The following NDUFB9 variants were observed in gnomAD, a reference collection of about 807,000 sequenced individuals.
NDUFB9 encodes NADH:ubiquinone oxidoreductase subunit B9, also known as NADH dehydrogenase [ubiquinone] 1 beta subcomplex subunit 9.
NDUFB9 carries 24 observed loss-of-function variants against 30.2 expected under a neutral mutation model. That is an observed-to-expected ratio of 0.80 (90% confidence interval 0.58 to 1.12). The LOEUF (loss-of-function observed/expected upper bound fraction) is 1.12, where lower values mean the gene tolerates loss of function less well. Ranked by LOEUF, NDUFB9 falls within the 50% of genes most tolerant of loss-of-function variation. The pLI, the probability that NDUFB9 is intolerant of heterozygous loss-of-function variation, is 0.00. For missense variants in NDUFB9, 204 were observed against 226.0 expected (o/e 0.90, Z 0.62); for synonymous variants, 80 against 84.0 (o/e 0.95, Z 0.26).
chr8:124,539,605 A>G, intron 1 of NDUFB9: 1 of 372,602 alleles, frequency 2.7e-6, no homozygotes, highest in Non-Finnish European at 5.0e-6. Flanking sequence ...TCATGGGTCC[A>G]GCGCTCGCTC....
intron 1 of NDUFB9, 194 bp downstream of exon 1, chr8:124,539,481 T>G: frequency 3.4e-6 from 2 of 596,142 alleles, no homozygotes; most frequent in Non-Finnish European, 6.0e-6. Context: ...CCTTGTAGAG[T>G]TGCTTGTCGG....
intron 3 of NDUFB9, among the ~76,000 whole-genome samples, chr8:124,547,940 G>A (rs758094878): frequency 1.1e-4 from 17 of 151,914 alleles, no homozygotes; most frequent in African/African-American, 2.2e-4. Context: ...AGCTGACATC[G>A]CGCCACTGCA....
At chr8:124,543,753 A>G (rs1822087376) in intron 2 of NDUFB9, among the ~76,000 whole-genome samples, 1 of 152,182 alleles carries the variant, frequency 6.6e-6, no homozygotes, top group Admixed American at 6.5e-5. Context: ...ACCGACCAAT[A>G]GTTCCTCCGC....
chr8:124,539,285 G>A lies in NDUFB9; in HGVS notation c.99G>A (p.Gln33=), dbSNP rs1251334642. 1.2e-6 allele frequency: 2 copies of A among 1,614,176 alleles called. No homozygotes were observed. The highest frequency in any genetic ancestry group is 1.3e-5 in the African/African-American group (1 of 75,066). Reference sequence around the variant, plus strand: ...GCCACCTCGAGTCGTGGTGCGTCCAGAGGTAAGGGATGGGGACCCAGGACT... The same window carrying A: ...GCCACCTCGAGTCGTGGTGCGTCCAAAGGTAAGGGATGGGGACCCAGGACT... The part of the protein sequence containing the change: ...ALRHLESWCV[Q]RDKYRYFACL... Residue 33 remains glutamine, a splice_region_variant and synonymous_variant, in exon 1 of 4, where the codon CAG becomes CAA. Coordinates refer to ENST00000276689, the MANE Select transcript of NDUFB9 (RefSeq NM_005005.3).
rs77625689 is a variant in NDUFB9, at chr8:124,546,554, G to C, written c.295-446G>C. ...TCTTAGGTGTCAGTTTTCTCTCTCT[G>C]AGACGTCATTAAGACTTTTCTTTCT... On this transcript the variant is annotated intron_variant, in intron 2 of 3. Transcript: ENST00000276689. The C allele has an allele frequency of 9.3e-3, 1,839 of 197,172 alleles. 31 individuals are homozygous for C. Among genetic ancestry groups the C allele is most frequent in the African/African-American group, 0.041 (1,748 of 42,448 alleles). The allele number at this position is 197,172 out of a possible 1,614,324, so 12.2% of individuals were successfully genotyped here.
chr8:124,542,795 G>C, intron 1 of NDUFB9: 1 of 378,292 alleles, frequency 2.6e-6, no homozygotes, highest in Non-Finnish European at 4.8e-6. Context: ...TTTCTCTTGC[G>C]AATGCTCTTT....
intron 1 of NDUFB9, 126 bp downstream of exon 1, chr8:124,539,413 C>G (rs1821824029): frequency 4.8e-6 from 4 of 841,544 alleles, no homozygotes; most frequent in Non-Finnish European, 8.0e-6. Context: ...TCTCGCTTCA[C>G]AGAATCCTAT....
intron 1 of NDUFB9, among the ~76,000 whole-genome samples, chr8:124,541,867 G>T (rs1334065789): frequency 6.6e-6 from 1 of 151,874 alleles, no homozygotes; most frequent in Non-Finnish European, 1.5e-5. Flanking sequence ...CTCCCAAAGT[G>T]CTGGGATTAC....
intron 1 of NDUFB9, among the ~76,000 whole-genome samples, chr8:124,541,802 C>T (rs1822002729): frequency 6.6e-6 from 1 of 151,842 alleles, no homozygotes; most frequent in Non-Finnish European, 1.5e-5. Context: ...CGGGGTTTTG[C>T]CATGTTGGCC....
At chr8:124,546,573 T>A (rs1290970394) in intron 2 of NDUFB9, 1 of 206,112 alleles carries the variant, frequency 4.9e-6, no homozygotes, top group Non-Finnish European at 9.9e-6. Flanking sequence ...TTAAGACTTT[T>A]CTTTCTACAT....
At chr8:124,549,687 C>T (rs1244389612) in intron 3 of NDUFB9, 74 bp from the exon 4 acceptor site, 40 of 1,430,958 alleles carry the variant, frequency 2.8e-5, no homozygotes, top group Non-Finnish European at 3.8e-5. Context: ...AAAGCTGACC[C>T]TTCACTGCAG....
At chr8:124,543,693 C>T (rs578089849) in intron 2 of NDUFB9, among the ~76,000 whole-genome samples, 1 of 152,148 alleles carries the variant, frequency 6.6e-6, no homozygotes, top group Non-Finnish European at 1.5e-5. Flanking sequence ...AAACCATGCC[C>T]ACATAAGACA....
At position 124,549,838 on chromosome 8, in the gene NDUFB9, T is replaced by G. The variant is rs754130870; in HGVS notation, c.486T>G (p.Asp162Glu). The G allele has an allele frequency of 1.9e-5, 30 of 1,614,222 alleles. No homozygotes were observed. Among genetic ancestry groups the G allele is most frequent in the Non-Finnish European group, 2.5e-5 (29 of 1,180,038 alleles). Residue 162 changes from aspartate (D) to glutamate (E), a missense_variant, in exon 4 of 4, where the codon GAT becomes GAG. By Grantham distance (45) the Asp-to-Glu change is conservative. Transcript: ENST00000276689. ...TGCCCCCTGCCCGAAAGGAAGGTGA[T>G]TTGCCCCCACTGTGGTGGTATATTG... ...EALPPARKEG[D>E]LPPLWWYIVT...
At chr8:124,543,431 C>T in intron 2 of NDUFB9, 152 bp downstream of exon 2, 1 of 801,108 alleles carries the variant, frequency 1.2e-6, no homozygotes, top group Non-Finnish European at 2.0e-6. Context: ...CATTTTATTG[C>T]ATTTTGTTTT....
At chr8:124,541,689 C>T (rs919191362) in intron 1 of NDUFB9, among the ~76,000 whole-genome samples, 4 of 152,114 alleles carry the variant, frequency 2.6e-5, no homozygotes, top group African/African-American at 4.8e-5. Context: ...CCGCAAGTTC[C>T]GTCTCCCGGG....
chr8:124,548,738 A>C (rs536296972), intron 3 of NDUFB9, among the ~76,000 whole-genome samples: 1 of 152,346 alleles, frequency 6.6e-6, no homozygotes, highest in South Asian at 2.1e-4. Context: ...GAATTTAAAA[A>C]AAAACAAAGT....
intron 3 of NDUFB9, among the ~76,000 whole-genome samples, chr8:124,548,046 G>T (rs1822208156): frequency 6.6e-6 from 1 of 152,172 alleles, no homozygotes; most frequent in East Asian, 1.9e-4. Flanking sequence ...GGAGTTTGGT[G>T]ATGTTTACTG....
At position 124,547,518 on chromosome 8, in the gene NDUFB9, CAG is replaced by C. The variant is rs1334995671; in HGVS notation, c.408+411_408+412del. 1.0e-5 allele frequency: 5 copies of C among 488,440 alleles called. No individual in the cohort carries two copies. The East Asian group carries it at 1.8e-4, about 18-fold the overall frequency. The allele number at this position is 488,440 out of a possible 1,614,324, so 30.3% of individuals were successfully genotyped here. ...ATATTGGAGAGGGGAAGAGGAGAAG[CAG>C]AGAGACCCTTCTAGGATTATTGCAG... On this transcript the variant is annotated intron_variant, in intron 3 of 3. Transcript: ENST00000276689.
At chr8:124,539,982 A>G (rs538790470) in intron 1 of NDUFB9, among the ~76,000 whole-genome samples, 54 of 151,904 alleles carry the variant, frequency 3.6e-4, no homozygotes, top group African/African-American at 1.2e-3. Context: ...TGTAGATTTT[A>G]ATCACCTAAA....
Sources: gnomAD v4.1 joint callset for allele counts (sites outside exome capture counted in the v4.1 genomes callset) on GRCh38, gnomAD v4.1.1 for gene constraint, MANE v1.5 for transcripts, NCBI Gene and HGNC (gene_info 2026-07-23, HGNC 2026-07-21) for gene names.